NAALADL2: variants seen among roughly 807,000 people sequenced by gnomAD.
The protein encoded by NAALADL2 is inactive N-acetylated-alpha-linked acidic dipeptidase-like protein 2.
In NAALADL2, 76 loss-of-function variants were observed where a neutral mutation model predicts 87.2. The observed-to-expected ratio is 0.87, with a 90% CI of 0.72 to 1.05. The LOEUF (loss-of-function observed/expected upper bound fraction) is 1.05, where lower values mean the gene tolerates loss of function less well. Among genes scored for constraint, NAALADL2 ranks in the 50% least tolerant of loss-of-function variants. The pLI, the probability that NAALADL2 is intolerant of heterozygous loss-of-function variation, is 0.00. For synonymous variants in NAALADL2, 354 were observed against 331.0 expected (o/e 1.07, Z -0.75); for missense variants, 1,089 against 945.8 (o/e 1.15, Z -1.99).
chr3:174,885,224 A>G (rs957662467), intron 1 of NAALADL2, among the ~76,000 whole-genome samples: 2 of 152,058 alleles, frequency 1.3e-5, no homozygotes, highest in African/African-American at 4.8e-5. Flanking sequence ...TGCACCTTTC[A>G]TTGCAGGTCG....
chr3:174,556,930 G>C (rs1712898350), intron 2 of NAALADL2, among the ~76,000 whole-genome samples: 1 of 152,034 alleles, frequency 6.6e-6, no homozygotes, highest in Admixed American at 6.6e-5. Context: ...GTTTTATAGA[G>C]ATGCGGTCTC....
At chr3:175,283,390 T>A (rs1453496728) in intron 4 of NAALADL2, among the ~76,000 whole-genome samples, 1 of 152,032 alleles carries the variant, frequency 6.6e-6, no homozygotes, top group Non-Finnish European at 1.5e-5. Flanking sequence ...ATTTGTGAAA[T>A]TAACAGTTTT....
At chr3:174,853,363 C>G in intron 3 of NAALADL2, among the ~76,000 whole-genome samples, 1 of 129,048 alleles carries the variant, frequency 7.7e-6, no homozygotes. Context: ...GGCAACAGAG[C>G]GAGACTCAAT....
chr3:175,720,106 A>T (rs1354333090), intron 11 of NAALADL2, among the ~76,000 whole-genome samples: 2 of 152,208 alleles, frequency 1.3e-5, no homozygotes, highest in African/African-American at 4.8e-5. Context: ...TCTTCGAAAC[A>T]GACATAGACA....
chr3:175,681,752 G>A (rs369696409), intron 11 of NAALADL2, among the ~76,000 whole-genome samples: 36 of 152,248 alleles, frequency 2.4e-4, no homozygotes, highest in African/African-American at 8.4e-4. Flanking sequence ...TTCTTGTACA[G>A]TGTAAATAAA....
intron 1 of NAALADL2, among the ~76,000 whole-genome samples, chr3:174,890,252 G>A (rs1375441794): frequency 6.6e-6 from 1 of 152,098 alleles, no homozygotes; most frequent in Non-Finnish European, 1.5e-5. Context: ...TAAGGAACAG[G>A]GTAAATTTGA....
chr3:174,952,286 A>T (rs972689109), intron 1 of NAALADL2, among the ~76,000 whole-genome samples: 1 of 152,104 alleles, frequency 6.6e-6, no homozygotes, highest in African/African-American at 2.4e-5. Flanking sequence ...TAAATATCCA[A>T]TACATATTTG....
At chr3:175,116,360 A>G (rs989361544) in intron 2 of NAALADL2, among the ~76,000 whole-genome samples, 1 of 152,120 alleles carries the variant, frequency 6.6e-6, no homozygotes, top group African/African-American at 2.4e-5. Context: ...AAATTTCCTT[A>G]TGCTGATAAG....
chr3:175,276,477 G>C (rs1456101256), intron 4 of NAALADL2, among the ~76,000 whole-genome samples: 1 of 151,826 alleles, frequency 6.6e-6, no homozygotes, highest in South Asian at 2.1e-4. Context: ...CTAGTTTTTT[G>C]TATTTTTACT....
intron 9 of NAALADL2, among the ~76,000 whole-genome samples, chr3:175,504,786 A>C (rs1160745875): frequency 6.6e-6 from 1 of 152,158 alleles, no homozygotes; most frequent in Non-Finnish European, 1.5e-5. Context: ...AAAATCTCTA[A>C]ATGAAGATAA....
chr3:174,766,386 T>C (rs1713806228), intron 3 of NAALADL2, among the ~76,000 whole-genome samples: 1 of 152,160 alleles, frequency 6.6e-6, no homozygotes, highest in African/African-American at 2.4e-5. Context: ...TCTTTGAGGG[T>C]CAATGCTTTC....
At chr3:175,013,892 G>T (rs1750485304) in intron 1 of NAALADL2, among the ~76,000 whole-genome samples, 1 of 152,016 alleles carries the variant, frequency 6.6e-6, no homozygotes, top group South Asian at 2.1e-4. Flanking sequence ...ATAATAATTT[G>T]TCAGAAGCTG....
At chr3:174,626,568 G>T (rs490161) in intron 2 of NAALADL2, among the ~76,000 whole-genome samples, 93,117 of 151,400 alleles carry the variant, frequency 0.62, 29,429 homozygotes, top group East Asian at 0.86. Flanking sequence ...TTGAAGTATT[G>T]TGTATAGTAA....
At chr3:175,343,094 C>T (rs1424874060) in intron 5 of NAALADL2, among the ~76,000 whole-genome samples, 3 of 151,978 alleles carry the variant, frequency 2.0e-5, no homozygotes, top group Non-Finnish European at 4.4e-5. Context: ...TCTCAATAGT[C>T]TCATGCCAAA....
chr3:175,138,864 G>GA (rs1485702021), intron 2 of NAALADL2, among the ~76,000 whole-genome samples: 1 of 121,934 alleles, frequency 8.2e-6, no homozygotes, highest in Non-Finnish European at 1.6e-5. Flanking sequence ...TAAAGAGCCA[G>GA]AAAAAAAATT....
At chr3:175,227,547 T>A (rs1744329876) in intron 2 of NAALADL2, among the ~76,000 whole-genome samples, 1 of 152,014 alleles carries the variant, frequency 6.6e-6, no homozygotes, top group Non-Finnish European at 1.5e-5. Context: ...TAAACTTAGA[T>A]TATATTGCAG....
In NAALADL2 at chr3:175,473,175, A is replaced by G. The variant is rs533721499; in HGVS notation, c.1653+1417A>G. On this transcript the variant is annotated intron_variant, in intron 9 of 13. Transcript: ENST00000454872. ...ATAATGCTATTTAAAATATCTTTGC[A>G]CATCTTATAACAGGACTAAAATATT... Among the ~76,000 whole-genome samples, 7 of 152,268 alleles carry G rather than the reference A, an allele frequency of 4.6e-5. No individual in the cohort carries two copies. The South Asian group carries it at 1.5e-3, about 32-fold the overall frequency.
chr3:174,837,081 A>G (rs940367099), intron 3 of NAALADL2, among the ~76,000 whole-genome samples: 1 of 152,206 alleles, frequency 6.6e-6, no homozygotes, highest in Non-Finnish European at 1.5e-5. Context: ...GGTCACACTT[A>G]AGGAACTAGA....
At chr3:174,867,616 A>G (rs187028818) in intron 1 of NAALADL2, among the ~76,000 whole-genome samples, 220 of 152,188 alleles carry the variant, frequency 1.4e-3, no homozygotes, top group Admixed American at 2.6e-3. Flanking sequence ...AAAAAAGCAT[A>G]AAATGCACAG....
Sources: allele counts gnomAD v4.1 joint callset (sites outside exome capture counted in the v4.1 genomes callset), GRCh38; gene constraint gnomAD v4.1.1; transcripts MANE v1.5; gene names NCBI Gene and HGNC (gene_info 2026-07-23, HGNC 2026-07-21).